PUM1: variants seen among roughly 807,000 people sequenced by gnomAD.
The protein encoded by PUM1 is pumilio RNA binding family member 1, also known as pumilio homolog 1.
In PUM1, 13 loss-of-function variants were observed where a neutral mutation model predicts 131.8. The observed-to-expected ratio is 0.10, with a 90% CI of 0.06 to 0.16. The LOEUF is 0.16. Ranked by LOEUF, PUM1 falls within the 10% of genes least tolerant of loss-of-function variation. PUM1 has a pLI of 1.00. For missense variants in PUM1, 961 were observed against 1,512.4 expected (o/e 0.64, Z 6.05); for synonymous variants, 509 against 556.5 (o/e 0.91, Z 1.20).
Position 30,998,547 on chromosome 1 carries a change from G to A in PUM1, c.721-3327C>T, listed in dbSNP as rs147993053. On this transcript the variant is annotated intron_variant, in intron 5 of 21. Transcript: ENST00000426105. ...TAGTCCTTGCTACTCAGGAGGCTGA[G>A]GCAAGAAGACCACTTGAGCTCAGGG... Among the ~76,000 whole-genome samples, 244 of 152,304 alleles carry A rather than the reference G, an allele frequency of 1.6e-3. 3 individuals are homozygous for A. Among genetic ancestry groups the A allele is most frequent in the Admixed American group, 0.015 (223 of 15,300 alleles).
intron 7 of PUM1, among the ~76,000 whole-genome samples, chr1:30,987,470 C>G (rs1641609855): frequency 6.6e-6 from 1 of 152,198 alleles, no homozygotes; most frequent in African/African-American, 2.4e-5. Context: ...GCTGAGATTA[C>G]AGGCGTGAGC....
At chr1:30,984,113 T>C (rs1641459317) in intron 7 of PUM1, among the ~76,000 whole-genome samples, 2 of 152,202 alleles carry the variant, frequency 1.3e-5, no homozygotes, top group African/African-American at 2.4e-5. Context: ...AGAGACCCCA[T>C]ATAGCCTATG....
rs1251388332 is a variant in PUM1 at position 30,942,233 on chromosome 1, A to ATATG, written c.2995-114_2995-111dup. On this transcript the variant is annotated intron_variant, in intron 18 of 21. Coordinates refer to ENST00000426105, the MANE Select transcript of PUM1 (RefSeq NM_001020658.2). ...TATATATATATATATATATATATAT[A>ATATG]TATGTATTATCCCACTAATCTTCAC... 9.8e-5 allele frequency: 16 copies of ATATG among 163,914 alleles called. No individual in the cohort carries two copies. The East Asian group carries it at 1.2e-3, about 12-fold the overall frequency. 10.2% of individuals were successfully genotyped at this position (163,914 alleles called of 1,614,324 possible).
At chr1:30,968,289 G>T in intron 11 of PUM1, 65 bp downstream of exon 11, 1 of 1,592,048 alleles carries the variant, frequency 6.3e-7, no homozygotes, top group Non-Finnish European at 8.6e-7. Context: ...ATTCCCCTCT[G>T]TAATCACCTC....
chr1:31,058,833 G>A (rs964510050), intron 2 of PUM1, among the ~76,000 whole-genome samples: 1 of 148,548 alleles, frequency 6.7e-6, no homozygotes, highest in African/African-American at 2.5e-5. Context: ...AGCCAGGCGT[G>A]GTGGTGCACA....
At position 30,992,566 on chromosome 1, in the gene PUM1, T is replaced by G. The variant is rs199836629; in HGVS notation, c.982A>C (p.Thr328Pro). 5 of 1,614,200 alleles carry G rather than the reference T, an allele frequency of 3.1e-6. No individual in the cohort carries two copies. The East Asian group carries it at 1.1e-4, about 36-fold the overall frequency. ...TCCTCCACAGGCTTGGCACCATTGG[T>G]GCTGGTCAGCTGGGCTAAGCCCTCA... ...GSEGLAQLTS[T>P]NGAKPVEDFS... is the part of the protein sequence containing the mutation. Residue 328 changes from threonine (T) to proline (P), a missense_variant, in exon 7 of 22, where the codon ACC becomes CCC. Thr to Pro is a conservative substitution (Grantham distance 38). Around this residue, in one of 4 missense-constraint regions of PUM1, gnomAD observed 654 missense variants for 923.9 expected, o/e 0.71. Coordinates refer to ENST00000426105, the MANE Select transcript of PUM1 (RefSeq NM_001020658.2).
At chr1:30,962,567 T>C (rs1217235741) in intron 14 of PUM1, among the ~76,000 whole-genome samples, 1 of 152,102 alleles carries the variant, frequency 6.6e-6, no homozygotes, top group Non-Finnish European at 1.5e-5. Context: ...CACGCCACCA[T>C]GCCTGGCTAA....
chr1:30,951,595 T>C (rs904496586), intron 16 of PUM1, among the ~76,000 whole-genome samples: 1 of 152,164 alleles, frequency 6.6e-6, no homozygotes, highest in African/African-American at 2.4e-5. Flanking sequence ...CAATACCAGA[T>C]AATAAGGGCT....
At chr1:30,971,008 A>G (rs1640853991) in intron 10 of PUM1, among the ~76,000 whole-genome samples, 1 of 152,226 alleles carries the variant, frequency 6.6e-6, no homozygotes, top group South Asian at 2.1e-4. Context: ...AAATCTGTCC[A>G]GTACCCCTAA....
At position 31,056,609 on chromosome 1, in the gene PUM1, C is replaced by CTTTTTTT. The variant is rs57685772; in HGVS notation, c.363+2588_363+2594dup. 9.6e-3 allele frequency among the ~76,000 whole-genome samples: 418 copies of CTTTTTTT among 43,708 alleles called. 54 individuals carry two copies. Among genetic ancestry groups the CTTTTTTT allele is most frequent in the Middle Eastern group, 0.028 (1 of 36 alleles). 28.7% of individuals were successfully genotyped at this position (43,708 alleles called of 152,430 possible). A position where few individuals can be genotyped will look rare whatever the true frequency, so the allele number is the denominator to read the frequency against. ...CAGCTGAAAACCTTCCTTTTCTTTT[C>CTTTTTTT]TTTTTTTTTTTTTTTTTTTTTTTTT... On this transcript the variant is annotated intron_variant, in intron 2 of 21. Coordinates refer to ENST00000426105, the MANE Select transcript of PUM1 (RefSeq NM_001020658.2).
At chr1:30,959,061 C>A (rs969459786) in intron 14 of PUM1, among the ~76,000 whole-genome samples, 3 of 152,066 alleles carry the variant, frequency 2.0e-5, no homozygotes, top group Non-Finnish European at 4.4e-5. Context: ...CACAAATTAT[C>A]AAAACTGACT....
intron 17 of PUM1, among the ~76,000 whole-genome samples, chr1:30,947,780 T>A (rs538179926): frequency 7.2e-5 from 11 of 151,960 alleles, no homozygotes; most frequent in Admixed American, 5.9e-4. Context: ...AACTAAGATA[T>A]CATCTAATTA....
intron 2 of PUM1, among the ~76,000 whole-genome samples, chr1:31,053,950 C>T (rs1644172893): frequency 1.3e-5 from 2 of 151,862 alleles, no homozygotes; most frequent in East Asian, 1.9e-4. Flanking sequence ...CAAAATTAGC[C>T]GGGCGTGGTG....
At chr1:30,972,246 T>C (rs1267337173) in intron 10 of PUM1, among the ~76,000 whole-genome samples, 1 of 86,090 alleles carries the variant, frequency 1.2e-5, no homozygotes, top group South Asian at 4.7e-4. Context: ...CAGAGCAAGA[T>C]TATGTCAGAA....
At chr1:30,939,368 T>G (rs1330791804) in intron 20 of PUM1, among the ~76,000 whole-genome samples, 1 of 152,216 alleles carries the variant, frequency 6.6e-6, no homozygotes, top group Non-Finnish European at 1.5e-5. Context: ...TCAGCCGGAC[T>G]TGGGGGAAGG....
intron 2 of PUM1, among the ~76,000 whole-genome samples, chr1:31,038,918 C>T (rs1042330390): frequency 2.1e-4 from 27 of 128,602 alleles, no homozygotes; most frequent in Non-Finnish European, 3.9e-4. Context: ...AAAGCATATA[C>T]TTAGAGAATT....
At chr1:31,047,180 C>A (rs557985230) in intron 2 of PUM1, among the ~76,000 whole-genome samples, 193 of 152,178 alleles carry the variant, frequency 1.3e-3, no homozygotes, top group Admixed American at 4.6e-3. Context: ...CAGATAGAGA[C>A]CCAATCTCAA....
At chr1:30,999,192 G>A (rs74968808) in intron 5 of PUM1, among the ~76,000 whole-genome samples, 2,423 of 152,104 alleles carry the variant, frequency 0.016, 71 homozygotes, top group African/African-American at 0.055. Context: ...TAGAGATGGG[G>A]TCTTGCTATG....
At chr1:30,941,925 G>T (rs766349825) in intron 19 of PUM1, 73 bp downstream of exon 19, 1 of 1,386,974 alleles carries the variant, frequency 7.2e-7, no homozygotes, top group Non-Finnish European at 9.8e-7. Flanking sequence ...AACCTACACT[G>T]ACAAAACACA....
Sources: allele counts gnomAD v4.1 joint callset (sites outside exome capture counted in the v4.1 genomes callset), GRCh38; gene constraint gnomAD v4.1.1; regional missense constraint gnomAD v4.1.1; transcripts MANE v1.5; gene names NCBI Gene and HGNC (gene_info 2026-07-23, HGNC 2026-07-21).